Variants in SMYD3 observed in about 807,000 individuals in gnomAD.
SMYD3 encodes SET and MYND domain containing 3.
Under a neutral mutation model 57.7 loss-of-function variants are expected in SMYD3, and 36 were observed. That is an observed-to-expected ratio of 0.62 (90% CI 0.48 to 0.82). SMYD3 has a LOEUF of 0.82. SMYD3 is among the 40% of genes least tolerant of loss of function. The pLI, the probability that SMYD3 is intolerant of heterozygous loss-of-function variation, is 0.00. For missense variants in SMYD3, 515 were observed against 538.8 expected (o/e 0.96, Z 0.44); for synonymous variants, 211 against 195.0 (o/e 1.08, Z -0.68).
chr1:245,777,954 A>G (rs2046672314), intron 10 of SMYD3, among the ~76,000 whole-genome samples: 2 of 152,186 alleles, frequency 1.3e-5, no homozygotes, highest in African/African-American at 4.8e-5. Context: ...TACTGTCTCT[A>G]CACCCTGCCC....
chr1:246,177,511 C>T (rs968005351), intron 5 of SMYD3, among the ~76,000 whole-genome samples: 3 of 151,856 alleles, frequency 2.0e-5, no homozygotes, highest in African/African-American at 4.8e-5. Context: ...GAGACCACAC[C>T]GAAGTAGCAT....
chr1:245,920,150 A>T (rs1048591891), intron 7 of SMYD3, among the ~76,000 whole-genome samples: 2 of 152,020 alleles, frequency 1.3e-5, no homozygotes, highest in Non-Finnish European at 2.9e-5. Context: ...CGTCTCTACT[A>T]AAAATACAAA....
At chr1:246,282,656 T>C (rs2064478461) in intron 5 of SMYD3, among the ~76,000 whole-genome samples, 1 of 152,166 alleles carries the variant, frequency 6.6e-6, no homozygotes, top group African/African-American at 2.4e-5. Flanking sequence ...TGAAGCACAG[T>C]AGTTAACTTC....
intron 5 of SMYD3, among the ~76,000 whole-genome samples, chr1:246,179,885 C>T (rs569764551): frequency 6.6e-6 from 1 of 152,230 alleles, no homozygotes; most frequent in African/African-American, 2.4e-5. Context: ...TCCAAAAGCT[C>T]TGGTCTGGGG....
intron 5 of SMYD3, among the ~76,000 whole-genome samples, chr1:246,324,578 A>C (rs980617612): frequency 2.0e-5 from 3 of 151,972 alleles, no homozygotes; most frequent in Non-Finnish European, 2.9e-5. Flanking sequence ...TGACAGCGTA[A>C]ATTCAGAAGT....
intron 1 of SMYD3, among the ~76,000 whole-genome samples, chr1:246,360,537 A>G (rs999967117): frequency 1.3e-5 from 2 of 152,198 alleles, no homozygotes; most frequent in African/African-American, 4.8e-5. Flanking sequence ...GAGGCATCAC[A>G]TTATCCAACT....
chr1:246,162,010 C>T lies in SMYD3; in HGVS notation c.531+165191G>A, dbSNP rs191075266. 3.0e-4 allele frequency among the ~76,000 whole-genome samples: 46 copies of T among 152,222 alleles called. 1 individual carries two copies. Among genetic ancestry groups the T allele is most frequent in the African/African-American group, 9.1e-4 (38 of 41,534 alleles). Reference sequence around the variant, plus strand: ...GAGTTTCAGGAACAGAAGAGGACAGCGTGGCAGAGCTGTGGGTTCAGTAAG... The same window carrying T: ...GAGTTTCAGGAACAGAAGAGGACAGTGTGGCAGAGCTGTGGGTTCAGTAAG... On this transcript the variant is annotated intron_variant, in intron 5 of 11. Coordinates refer to ENST00000490107, the MANE Select transcript of SMYD3 (RefSeq NM_001167740.2).
chr1:246,411,253 T>C (rs2066963278), intron 1 of SMYD3, among the ~76,000 whole-genome samples: 1 of 152,060 alleles, frequency 6.6e-6, no homozygotes, highest in Admixed American at 6.6e-5. Context: ...ATCAGAGAAA[T>C]GCAAATCAAA....
At chr1:246,223,581 G>A (rs1314980523) in intron 5 of SMYD3, among the ~76,000 whole-genome samples, 1 of 152,108 alleles carries the variant, frequency 6.6e-6, no homozygotes, top group Non-Finnish European at 1.5e-5. Flanking sequence ...TGGAGTCAGT[G>A]TCACCAGAAA....
intron 11 of SMYD3, among the ~76,000 whole-genome samples, chr1:245,757,183 T>C (rs2045641909): frequency 6.6e-6 from 1 of 152,108 alleles, no homozygotes; most frequent in South Asian, 2.1e-4. Flanking sequence ...GTTCTACTTC[T>C]GTCTCTAGGT....
At chr1:246,470,694 T>C (rs1158452632) in intron 1 of SMYD3, among the ~76,000 whole-genome samples, 1 of 151,520 alleles carries the variant, frequency 6.6e-6, no homozygotes, top group Non-Finnish European at 1.5e-5. Context: ...AGTGCATATG[T>C]ATGTGCATAT....
At chr1:245,771,065 C>A (rs1323539260) in intron 10 of SMYD3, among the ~76,000 whole-genome samples, 3 of 151,974 alleles carry the variant, frequency 2.0e-5, no homozygotes, top group Non-Finnish European at 4.4e-5. Flanking sequence ...CACACATACA[C>A]ACATATACAT....
At chr1:246,227,333 T>A (rs2063343713) in intron 5 of SMYD3, among the ~76,000 whole-genome samples, 1 of 152,162 alleles carries the variant, frequency 6.6e-6, no homozygotes, top group African/African-American at 2.4e-5. Flanking sequence ...AAGACAACTT[T>A]GGCCGGGTGC....
At chr1:246,336,346 T>C (rs1459140401) in intron 2 of SMYD3, among the ~76,000 whole-genome samples, 1 of 152,200 alleles carries the variant, frequency 6.6e-6, no homozygotes, top group East Asian at 1.9e-4. Flanking sequence ...ATCAAATGTC[T>C]CTCGTGTTAT....
rs372022806 is a variant in SMYD3, at chr1:246,241,487, G to A, written c.531+85714C>T. Among the ~76,000 whole-genome samples the A allele has an allele frequency of 2.0e-3, 303 of 152,228 alleles. 8 individuals carry two copies. In the East Asian group the frequency reaches 0.046, roughly 23 times the overall value. ...AGCTTTTTGATGTGCTGCTGGATTC[G>A]GTTTGCCAGTATTTTATTGAGGATT... On this transcript the variant is annotated intron_variant, in intron 5 of 11. Coordinates refer to ENST00000490107, the MANE Select transcript of SMYD3 (RefSeq NM_001167740.2).
At chr1:246,334,648 C>T (rs777536420) in intron 3 of SMYD3, among the ~76,000 whole-genome samples, 1 of 152,132 alleles carries the variant, frequency 6.6e-6, no homozygotes, top group Non-Finnish European at 1.5e-5. Context: ...ATCCATCATA[C>T]CCCAAACCTC....
At chr1:246,323,283 TAA>T (rs2065281366) in intron 5 of SMYD3, among the ~76,000 whole-genome samples, 1 of 152,176 alleles carries the variant, frequency 6.6e-6, no homozygotes, top group Non-Finnish European at 1.5e-5. Flanking sequence ...ACACTGGTGC[TAA>T]GAGTCAGAGT....
chr1:245,916,314 T>C (rs1228308136), intron 7 of SMYD3, among the ~76,000 whole-genome samples: 1 of 152,148 alleles, frequency 6.6e-6, no homozygotes, highest in Non-Finnish European at 1.5e-5. Flanking sequence ...AGGATATATT[T>C]AAAGGACTCC....
At chr1:246,229,990 C>G (rs1412743356) in intron 5 of SMYD3, among the ~76,000 whole-genome samples, 1 of 152,142 alleles carries the variant, frequency 6.6e-6, no homozygotes, top group Admixed American at 6.5e-5. Flanking sequence ...CAAGATTTTT[C>G]CAAGTGTTAA....
Sources: allele counts gnomAD v4.1 joint callset (sites outside exome capture counted in the v4.1 genomes callset), GRCh38; gene constraint gnomAD v4.1.1; transcripts MANE v1.5; gene names NCBI Gene and HGNC (gene_info 2026-07-23, HGNC 2026-07-21).